Variants in SLC2A12 observed in about 807,000 individuals in gnomAD.
SLC2A12 encodes solute carrier family 2 member 12, also known as solute carrier family 2, facilitated glucose transporter member 12.
In SLC2A12, 23 loss-of-function variants were observed where a neutral mutation model predicts 41.8. The observed-to-expected ratio is 0.55, with a 90% CI of 0.40 to 0.78. The LOEUF (loss-of-function observed/expected upper bound fraction) is 0.78, where lower values mean the gene tolerates loss of function less well. Among genes scored for constraint, SLC2A12 ranks in the 30% least tolerant of loss-of-function variants. The probability of loss-of-function intolerance (pLI) is 0.00; values close to 1 mark genes in which losing one functional copy is unlikely to be tolerated. For synonymous variants in SLC2A12, 295 were observed against 285.9 expected (o/e 1.03, Z -0.32); for missense variants, 654 against 745.6 (o/e 0.88, Z 1.43).
chr6:134,045,164 T>A (rs948972584), intron 1 of SLC2A12, among the ~76,000 whole-genome samples: 8 of 152,210 alleles, frequency 5.3e-5, no homozygotes, highest in Non-Finnish European at 8.8e-5. Flanking sequence ...GAAATATATA[T>A]TTTATCGAGA....
chr6:134,016,180 A>G (rs1288153636), intron 2 of SLC2A12, among the ~76,000 whole-genome samples: 1 of 152,156 alleles, frequency 6.6e-6, no homozygotes, highest in East Asian at 1.9e-4. Context: ...TAGGCTGCAT[A>G]ATAAATAGTC....
At chr6:134,038,187 A>G (rs922507350) in intron 1 of SLC2A12, among the ~76,000 whole-genome samples, 2 of 152,086 alleles carry the variant, frequency 1.3e-5, no homozygotes, top group African/African-American at 2.4e-5. Context: ...TAGCAATTTC[A>G]CAGACATCCT....
At chr6:134,034,498 C>G (rs1457641763) in intron 1 of SLC2A12, among the ~76,000 whole-genome samples, 1 of 152,186 alleles carries the variant, frequency 6.6e-6, no homozygotes, top group Non-Finnish European at 1.5e-5. Context: ...TTCAAGACTT[C>G]CATCACAGGA....
intron 2 of SLC2A12, among the ~76,000 whole-genome samples, chr6:134,019,006 A>G (rs1276406753): frequency 6.6e-6 from 1 of 152,192 alleles, no homozygotes; most frequent in Non-Finnish European, 1.5e-5. Context: ...ATTTGGTGTC[A>G]TCTGTCACTT....
At position 133,996,283 on chromosome 6, in the gene SLC2A12, A is replaced by G. The variant is rs1049739202; in HGVS notation, c.1701-4975T>C. Among the ~76,000 whole-genome samples the G allele has an allele frequency of 3.3e-5, 5 of 152,368 alleles. No individual in the cohort carries two copies. The East Asian group carries it at 9.6e-4, about 29-fold the overall frequency. ...AAACATTAACTTGTTTGCTTTCTCC[A>G]TTTGTGCCCACTTAAGCTGGGGGGA... On this transcript the variant is annotated intron_variant, in intron 4 of 4. Transcript: ENST00000275230.
At chr6:134,018,229 A>G (rs1304632846) in intron 2 of SLC2A12, among the ~76,000 whole-genome samples, 1 of 152,160 alleles carries the variant, frequency 6.6e-6, no homozygotes, top group East Asian at 1.9e-4. Context: ...ATTTAATAAC[A>G]CTAATGACTA....
rs139290533 is a variant in SLC2A12 at position 134,006,961 on chromosome 6, G to A, written c.1445-27C>T. ...TAGAAGAAAGGCAAGAGTGGGTGGC[G>A]GACAGCACATTTAGCAAAAACCCAT... On this transcript the variant is annotated intron_variant, in intron 2 of 4. Coordinates refer to ENST00000275230, the MANE Select transcript of SLC2A12 (RefSeq NM_145176.3). 662 of 1,613,038 alleles carry A rather than the reference G, an allele frequency of 4.1e-4. 3 individuals are homozygous for A. The African/African-American group carries it at 6.9e-3, about 17-fold the overall frequency.
rs1776582391 is a variant in SLC2A12, at chr6:133,989,112, G to GTAATTCGC, written c.*2035_*2042dup. On this transcript the variant is annotated 3_prime_UTR_variant, in exon 5 of 5. Transcript: ENST00000275230. ...GAGCCTCACCTAACAGTGTCCATGG[G>GTAATTCGC]TAATTCGCTAACCTTAACAAAGATG... The GTAATTCGC allele has an allele frequency of 6.6e-6, 1 of 152,156 alleles. No homozygotes were observed. The highest frequency in any genetic ancestry group is 6.6e-5 in the Admixed American group (1 of 15,256). The allele number at this position is 152,156 out of a possible 1,614,324, so 9.4% of individuals were successfully genotyped here.
intron 2 of SLC2A12, among the ~76,000 whole-genome samples, chr6:134,013,215 CTGGAGGTGGAGG>C (rs952416831): frequency 6.6e-6 from 1 of 151,962 alleles, no homozygotes; most frequent in African/African-American, 2.4e-5. Flanking sequence ...TGCTTGAACC[CTGGAGGTGGAGG>C]TGGAGGTGGA....
intron 2 of SLC2A12, among the ~76,000 whole-genome samples, chr6:134,011,586 G>A (rs547979439): frequency 1.1e-4 from 17 of 152,182 alleles, no homozygotes; most frequent in African/African-American, 3.9e-4. Flanking sequence ...TTAAAAATAT[G>A]ATCTTAAATT....
intron 1 of SLC2A12, among the ~76,000 whole-genome samples, chr6:134,047,200 G>C (rs368147856): frequency 3.3e-5 from 5 of 152,086 alleles, no homozygotes; most frequent in African/African-American, 1.2e-4. Context: ...TCATCCTTCT[G>C]GGGGAGACTG....
chr6:134,007,463 G>A (rs530857331), intron 2 of SLC2A12, among the ~76,000 whole-genome samples: 45 of 152,354 alleles, frequency 3.0e-4, no homozygotes, highest in Admixed American at 9.1e-4. Context: ...TGACTTGGGC[G>A]TCCTGGCCTG....
At chr6:133,998,224 A>G (rs955323597) in intron 4 of SLC2A12, among the ~76,000 whole-genome samples, 2 of 152,238 alleles carry the variant, frequency 1.3e-5, no homozygotes, top group African/African-American at 2.4e-5. Context: ...AGATACCCAC[A>G]TCATATGTTC....
chr6:134,042,645 C>T (rs1228035390), intron 1 of SLC2A12, among the ~76,000 whole-genome samples: 1 of 151,738 alleles, frequency 6.6e-6, no homozygotes, highest in African/African-American at 2.4e-5. Flanking sequence ...GACAAGAAGC[C>T]TGAGGATTTT....
chr6:133,999,315 A>C (rs1464220792), intron 4 of SLC2A12, among the ~76,000 whole-genome samples: 1 of 152,222 alleles, frequency 6.6e-6, no homozygotes, highest in African/African-American at 2.4e-5. Context: ...CCCTCCAGGA[A>C]AGAAGATTGT....
At chr6:134,040,063 T>A (rs1156549704) in intron 1 of SLC2A12, among the ~76,000 whole-genome samples, 1 of 149,270 alleles carries the variant, frequency 6.7e-6, no homozygotes, top group African/African-American at 2.5e-5. Flanking sequence ...TTTTTGTTTT[T>A]TTTTTTTTGT....
intron 2 of SLC2A12, among the ~76,000 whole-genome samples, chr6:134,024,164 A>T (rs1358824474): frequency 6.6e-6 from 1 of 152,202 alleles, no homozygotes; most frequent in Non-Finnish European, 1.5e-5. Context: ...GCTCTGGGAG[A>T]AGGCAGCAGT....
At position 133,990,598 on chromosome 6, in the gene SLC2A12, T is replaced by C. The variant is rs910149470; in HGVS notation, c.*557A>G. 3.3e-5 allele frequency: 5 copies of C among 152,256 alleles called. No individual in the cohort carries two copies. Among genetic ancestry groups the C allele is most frequent in the African/African-American group, 1.2e-4 (5 of 41,454 alleles). The allele number at this position is 152,256 out of a possible 1,614,324, so 9.4% of individuals were successfully genotyped here. A position where few individuals can be genotyped will look rare whatever the true frequency, so the allele number is the denominator to read the frequency against. On this transcript the variant is annotated 3_prime_UTR_variant, in exon 5 of 5. Coordinates refer to ENST00000275230, the MANE Select transcript of SLC2A12 (RefSeq NM_145176.3). Reference sequence around the variant, plus strand: ...AAAATAAGCTCTATAATCTTTATACTTGTTGAATGTAACTAGGAATTACCA... The same window carrying C: ...AAAATAAGCTCTATAATCTTTATACCTGTTGAATGTAACTAGGAATTACCA...
intron 2 of SLC2A12, among the ~76,000 whole-genome samples, chr6:134,017,621 G>A (rs1562196062): frequency 6.6e-6 from 1 of 152,084 alleles, no homozygotes; most frequent in South Asian, 2.1e-4. Context: ...GGGAGGCCGA[G>A]GAGGGCGGAT....
Sources: allele counts gnomAD v4.1 joint callset (sites outside exome capture counted in the v4.1 genomes callset), GRCh38; gene constraint gnomAD v4.1.1; transcripts MANE v1.5; gene names NCBI Gene and HGNC (gene_info 2026-07-23, HGNC 2026-07-21).